The following APBB1IP variants were observed in gnomAD, a reference collection of about 807,000 sequenced individuals.
The protein encoded by APBB1IP is amyloid beta precursor protein binding family B member 1 interacting protein.
A neutral mutation model predicts 64.9 loss-of-function variants in APBB1IP; 27 were observed. The ratio of observed to expected loss-of-function variants is 0.42; its 90% CI spans 0.31 to 0.57. The LOEUF (loss-of-function observed/expected upper bound fraction) is 0.57. APBB1IP is among the 20% of genes least tolerant of loss of function. The pLI is 0.20. For synonymous variants in APBB1IP, 392 were observed against 331.0 expected, an observed-to-expected ratio of 1.18 and a Z score of -2.00; for missense variants, 812 against 845.5, an observed-to-expected ratio of 0.96 and a Z score of 0.49.
At chr10:26,502,192 C>T (rs1028374929) in intron 5 of APBB1IP, among the ~76,000 whole-genome samples, 1 of 152,132 alleles carries the variant, frequency 6.6e-6, no homozygotes, top group South Asian at 2.1e-4. Flanking sequence ...TAGAATGTAA[C>T]CAGAACAGCT....
intron 6 of APBB1IP, among the ~76,000 whole-genome samples, chr10:26,507,617 C>T (rs111916310): frequency 1.2e-3 from 182 of 152,312 alleles, no homozygotes; most frequent in African/African-American, 4.3e-3. Flanking sequence ...GAATTGATCA[C>T]ACATGGTTGG....
At chr10:26,497,721 ATTT>A (rs895511347) in intron 4 of APBB1IP, among the ~76,000 whole-genome samples, 21 of 100,348 alleles carry the variant, frequency 2.1e-4, no homozygotes, top group African/African-American at 6.6e-4. Flanking sequence ...TGTCCTCTGG[ATTT>A]TTTTTTTTTT....
intron 8 of APBB1IP, among the ~76,000 whole-genome samples, chr10:26,515,639 G>C (rs926023352): frequency 5.3e-5 from 8 of 152,176 alleles, no homozygotes; most frequent in Non-Finnish European, 8.8e-5. Context: ...ATGCCCAAGA[G>C]TCATGCAACA....
intron 12 of APBB1IP, 70 bp from the exon 13 acceptor site, chr10:26,560,660 A>G: frequency 2.9e-6 from 3 of 1,040,364 alleles, no homozygotes; most frequent in South Asian, 3.2e-5. Context: ...CTGTATATGT[A>G]TATTGCAATT....
chr10:26,502,838 C>A (rs928709452), intron 5 of APBB1IP, among the ~76,000 whole-genome samples: 1 of 152,108 alleles, frequency 6.6e-6, no homozygotes, highest in Non-Finnish European at 1.5e-5. Context: ...GTGAGCCAAG[C>A]GGATTTTTCT....
At chr10:26,540,884 G>A (rs1423116381) in intron 10 of APBB1IP, among the ~76,000 whole-genome samples, 3 of 151,802 alleles carry the variant, frequency 2.0e-5, no homozygotes, top group African/African-American at 7.3e-5. Context: ...TGAAGTGTGT[G>A]CTGATTTACT....
At chr10:26,449,813 C>T (rs1385531345) in intron 2 of APBB1IP, among the ~76,000 whole-genome samples, 1 of 151,958 alleles carries the variant, frequency 6.6e-6, no homozygotes, top group African/African-American at 2.4e-5. Context: ...AGTTGGAGAC[C>T]AGCTTGGGCA....
chr10:26,453,273 G>A (rs1247732628), intron 2 of APBB1IP, among the ~76,000 whole-genome samples: 3 of 152,182 alleles, frequency 2.0e-5, no homozygotes, highest in Non-Finnish European at 4.4e-5. Flanking sequence ...TGGCAATGGT[G>A]TGTTTACAGG....
intron 2 of APBB1IP, among the ~76,000 whole-genome samples, chr10:26,487,488 A>G (rs1214777066): frequency 6.6e-6 from 1 of 152,216 alleles, no homozygotes; most frequent in African/African-American, 2.4e-5. Context: ...TCCATTCACA[A>G]GCAAGTTTAC....
intron 11 of APBB1IP, among the ~76,000 whole-genome samples, chr10:26,556,963 G>T (rs79097929): frequency 0.02 from 3,064 of 152,252 alleles, 96 homozygotes; most frequent in African/African-American, 0.07. Context: ...CTTTGCACAT[G>T]TTATTGTTGA....
At chr10:26,504,589 A>T (rs1347607148) in intron 6 of APBB1IP, among the ~76,000 whole-genome samples, 3 of 152,046 alleles carry the variant, frequency 2.0e-5, no homozygotes, top group Non-Finnish European at 2.9e-5. Flanking sequence ...GTGCATCTGT[A>T]ATCCCAGCTA....
In APBB1IP at chr10:26,500,910, G is replaced by T. The variant is rs1836088733; in HGVS notation, c.252G>T (p.Gln84His). 1 of 1,614,194 alleles carries T rather than the reference G, an allele frequency of 6.2e-7. No homozygotes were observed. The highest frequency in any genetic ancestry group is 8.5e-7 in the Non-Finnish European group (1 of 1,180,032). ...GTGAGGCTGAGCAGAGGACAATCCA[G>T]GCACAGAAAGAGTCCTTGCAGAATC... ...DISEAEQRTI[Q>H]AQKESLQNQH... Residue 84 changes from glutamine (Q) to histidine (H), a missense_variant, in exon 5 of 15, where the codon CAG (glutamine) becomes CAT (histidine). Coordinates refer to ENST00000376236, the MANE Select transcript of APBB1IP (RefSeq NM_019043.4).
chr10:26,502,589 C>T (rs533624877), intron 5 of APBB1IP, among the ~76,000 whole-genome samples: 16 of 151,842 alleles, frequency 1.1e-4, no homozygotes, highest in Non-Finnish European at 2.2e-4. Flanking sequence ...TTGTAGTGAG[C>T]CAAGATCACA....
intron 8 of APBB1IP, among the ~76,000 whole-genome samples, chr10:26,524,951 C>CTTTTTTTTTTTT (rs1322880718): frequency 2.3e-5 from 1 of 43,160 alleles, no homozygotes; most frequent in Non-Finnish European, 5.0e-5. Context: ...CTCTTTCTTT[C>CTTTTTTTTTTTT]TTTCTTTTTT....
At chr10:26,450,287 T>C (rs1835450963) in intron 2 of APBB1IP, among the ~76,000 whole-genome samples, 6 of 152,232 alleles carry the variant, frequency 3.9e-5, no homozygotes, top group African/African-American at 1.2e-4. Flanking sequence ...ATCAAATATC[T>C]TGTTTCAAAC....
intron 14 of APBB1IP, among the ~76,000 whole-genome samples, chr10:26,564,301 T>C (rs1349969289): frequency 6.6e-6 from 1 of 152,020 alleles, no homozygotes; most frequent in African/African-American, 2.4e-5. Flanking sequence ...TCTATTCCAG[T>C]ATTGGCAGAG....
chr10:26,461,218 A>C (rs917498278), intron 2 of APBB1IP, among the ~76,000 whole-genome samples: 2 of 152,226 alleles, frequency 1.3e-5, no homozygotes, highest in Admixed American at 6.6e-5. Flanking sequence ...GGAAGGAAGG[A>C]AAAACTTTTT....
In APBB1IP at chr10:26,567,301, C is replaced by A; in HGVS notation, c.1814C>A (p.Pro605Gln). The change falls in exon 15 of 15, where the codon CCG becomes CAG. Residue 605 changes from proline (P) to glutamine (Q), a missense_variant. Transcript: ENST00000376236. The part of the protein sequence containing the change: ...GSELPPPPPP[P>Q]PAPAPAPVPD... ...GAGCTGCCCCCGCCGCCGCCGCCGC[C>A]GCCCGCGCCCGCGCCCGCCCCCGTC... is the stretch of plus-strand genomic sequence containing the variant. The A allele has an allele frequency of 9.4e-7, 1 of 1,065,282 alleles. No individual in the cohort carries two copies. The highest frequency in any genetic ancestry group is 3.9e-5 in the South Asian group (1 of 25,350). 66.0% of individuals were successfully genotyped at this position (1,065,282 alleles called of 1,614,324 possible). A position where few individuals can be genotyped will look rare whatever the true frequency, so the allele number is the denominator to read the frequency against.
intron 11 of APBB1IP, among the ~76,000 whole-genome samples, chr10:26,547,924 G>A (rs11015167): frequency 1.6e-4 from 25 of 152,018 alleles, no homozygotes; most frequent in Non-Finnish European, 3.4e-4. Context: ...TTTTTCTTTT[G>A]TGGGGGACAC....
Sources: gnomAD v4.1 joint callset for allele counts (sites outside exome capture counted in the v4.1 genomes callset) on GRCh38, gnomAD v4.1.1 for gene constraint, MANE v1.5 for transcripts, NCBI Gene and HGNC (gene_info 2026-07-23, HGNC 2026-07-21) for gene names.